CA3: variants seen among roughly 807,000 people sequenced by gnomAD.
CA3 encodes carbonic anhydrase 3.
CA3 carries 30 observed loss-of-function variants against 35.7 expected under a neutral mutation model. The ratio of observed to expected loss-of-function variants is 0.84; its 90% confidence interval spans 0.63 to 1.14. The LOEUF is 1.14. Ranked by LOEUF, CA3 falls within the 50% of genes most tolerant of loss-of-function variation. CA3 has a pLI of 0.00. For missense variants in CA3, 295 were observed against 328.5 expected (o/e 0.90, Z 0.79); for synonymous variants, 131 against 130.8 (o/e 1.00, Z -0.01).
intron 5 of CA3, among the ~76,000 whole-genome samples, chr8:85,445,646 A>T (rs761467488): frequency 2.8e-4 from 43 of 152,208 alleles, no homozygotes; most frequent in Non-Finnish European, 5.6e-4. Flanking sequence ...TTAAAAATTT[A>T]AAATCTTCAC....
At chr8:85,445,133 C>G (rs1221374444) in intron 4 of CA3, 23 bp from the exon 5 acceptor site, 5 of 1,543,624 alleles carry the variant, frequency 3.2e-6, no homozygotes, top group Admixed American at 3.6e-5. Context: ...AAGAACTATA[C>G]TTGGATTTCT....
At position 85,448,076 on chromosome 8, in the gene CA3, C is replaced by T. The variant is rs753114680; in HGVS notation, c.706C>T (p.Pro236Ser). 6.2e-7 allele frequency: 1 copy of T among 1,613,238 alleles called. No homozygotes were observed. Residue 236 changes from proline to serine, a missense_variant, in exon 7 of 7, where the codon CCC becomes TCC. Pro to Ser is a moderately conservative substitution (Grantham distance 74). Transcript: ENST00000285381. ...CCTCCTCTCCAGTGCTGAGAACGAG[C>T]CCCCAGTGCCTCTTGTGAGCAACTG... ...RSLLSSAENEPPVPLVSNWRP... is the reference protein window; with the variant it reads ...RSLLSSAENESPVPLVSNWRP...
chr8:85,446,355 A>G, intron 6 of CA3, 58 bp downstream of exon 6: 1 of 1,555,430 alleles, frequency 6.4e-7, no homozygotes, highest in Non-Finnish European at 8.8e-7. Flanking sequence ...TAAGATACAG[A>G]TGCTAAATCA....
chr8:85,445,331 G>T (rs905155882), intron 5 of CA3, 113 bp downstream of exon 5: 4 of 628,490 alleles, frequency 6.4e-6, no homozygotes, highest in East Asian at 2.9e-5. Flanking sequence ...TGATGGATAT[G>T]CTAAGCATAC....
intron 3 of CA3, among the ~76,000 whole-genome samples, chr8:85,443,197 A>G (rs559754351): frequency 9.8e-5 from 15 of 152,312 alleles, no homozygotes; most frequent in Admixed American, 7.2e-4. Flanking sequence ...TGTCTCAGTT[A>G]ACTCATTAAA....
chr8:85,443,247 A>G (rs573656465), intron 3 of CA3, among the ~76,000 whole-genome samples: 1 of 152,246 alleles, frequency 6.6e-6, no homozygotes, highest in South Asian at 2.1e-4. Context: ...GCATCAAATT[A>G]CAAGGGTTTA....
intron 5 of CA3, 25 bp downstream of exon 5, chr8:85,445,243 T>TA (rs748246258): frequency 2.1e-6 from 3 of 1,457,604 alleles, no homozygotes; most frequent in Non-Finnish European, 1.9e-6. Flanking sequence ...TTTTCCCTCC[T>TA]AAAACATAAA....
At chr8:85,446,079 C>T (rs1811284665) in intron 5 of CA3, 63 bp from the exon 6 acceptor site, 2 of 1,382,530 alleles carry the variant, frequency 1.4e-6, no homozygotes, top group Non-Finnish European at 2.0e-6. Context: ...GTGGTGAGGG[C>T]ATTGGGGTGG....
intron 2 of CA3, 85 bp from the exon 3 acceptor site, chr8:85,441,988 C>T: frequency 1.3e-6 from 1 of 793,512 alleles, no homozygotes; most frequent in Non-Finnish European, 2.3e-6. Context: ...GTCCATTAAG[C>T]CTTGGCTCTA....
At position 85,446,213 on chromosome 8, in the gene CA3, C is replaced by G; in HGVS notation, c.579C>G (p.Tyr193Ter). 6.2e-7 allele frequency: 1 copy of G among 1,614,136 alleles called. No individual in the cohort carries two copies. The highest frequency in any genetic ancestry group is 8.5e-7 in the Non-Finnish European group (1 of 1,179,992). The change falls in exon 6 of 7, where the codon TAC (tyrosine) becomes TAG (stop). Residue 193 changes from tyrosine (Y) to a stop codon, truncating the protein, a stop_gained. Transcript: ENST00000285381. LOFTEE classifies it high-confidence loss of function. ...LFPACRDYWT[Y>*]QGSFTTPPCE... ...CGGCATGCCGGGACTACTGGACCTA[C>G]CAGGGCTCATTCACCACGCCGCCCT...
At chr8:85,444,248 T>C in intron 4 of CA3, 122 bp downstream of exon 4, 1 of 655,174 alleles carries the variant, frequency 1.5e-6, no homozygotes, top group Non-Finnish European at 2.7e-6. Context: ...TTATTATTCA[T>C]TCAACTAATC....
chr8:85,442,448 C>T (rs547013821), intron 3 of CA3: 1 of 376,808 alleles, frequency 2.7e-6, no homozygotes, highest in Admixed American at 3.7e-5. Context: ...TGCAGTGGCT[C>T]ACACCTGTAA....
intron 6 of CA3, 87 bp from the exon 7 acceptor site, chr8:85,447,947 A>T (rs1015358853): frequency 1.4e-5 from 18 of 1,248,724 alleles, no homozygotes; most frequent in Non-Finnish European, 1.8e-5. Context: ...AACAAAAAAA[A>T]CCCCAGCAGT....
intron 5 of CA3, among the ~76,000 whole-genome samples, 189 bp downstream of exon 5, chr8:85,445,407 G>C (rs937112074): frequency 4.0e-5 from 6 of 151,726 alleles, no homozygotes; most frequent in African/African-American, 1.2e-4. Flanking sequence ...ACATATATCA[G>C]TTTTTTTAAT....
intron 5 of CA3, 53 bp from the exon 6 acceptor site, chr8:85,446,089 G>A: frequency 2.7e-6 from 4 of 1,480,968 alleles, no homozygotes; most frequent in Non-Finnish European, 3.6e-6. Flanking sequence ...CATTGGGGTG[G>A]GTGGGCATGT....
Position 85,439,828 on chromosome 8 carries a change from T to G in CA3, c.151T>G (p.Tyr51Asp). The part of the protein sequence containing the change: ...DPSLQPWSVS[Y>D]DGGSAKTILN... ...TTCTCTGCAGCCATGGTCTGTGTCTTATGATGGTGGCTCTGCCAAGACCAT... is the reference window on the plus strand; with the variant it reads ...TTCTCTGCAGCCATGGTCTGTGTCTGATGATGGTGGCTCTGCCAAGACCAT... The change falls in exon 2 of 7, where the codon TAT becomes GAT. Residue 51 changes from tyrosine (Y) to aspartate (D), a missense_variant. By Grantham distance (160) the Tyr-to-Asp change is radical (BLOSUM62 -3). Coordinates refer to ENST00000285381, the MANE Select transcript of CA3 (RefSeq NM_005181.4). 1 of 1,614,100 alleles carries G rather than the reference T, an allele frequency of 6.2e-7. No individual in the cohort carries two copies. Among genetic ancestry groups the G allele is most frequent in the South Asian group, 1.1e-5 (1 of 91,082 alleles).
rs780060427 is a variant in CA3, at chr8:85,445,198, T to C, written c.487T>C (p.Leu163=). The change falls in exon 5 of 7, where the codon TTG becomes CTG. Residue 163 remains leucine, a synonymous_variant. Coordinates refer to ENST00000285381, the MANE Select transcript of CA3 (RefSeq NM_005181.4). The part of the protein sequence containing the change: ...NGEFQIFLDA[L]DKIKTKGKEA... ...CGAGTTCCAGATTTTCCTTGATGCATTGGACAAGATTAAGACAAAGGTAAA... is the reference window on the plus strand; with the variant it reads ...CGAGTTCCAGATTTTCCTTGATGCACTGGACAAGATTAAGACAAAGGTAAA... 18 of 1,605,542 alleles carry C rather than the reference T, an allele frequency of 1.1e-5. No homozygotes were observed. The highest frequency in any genetic ancestry group is 5.3e-5 in the African/African-American group (4 of 74,812).
chr8:85,442,043 C>A, intron 2 of CA3, 30 bp from the exon 3 acceptor site: 1 of 1,048,938 alleles, frequency 9.5e-7, no homozygotes, highest in Non-Finnish European at 1.5e-6. Flanking sequence ...AGCATGAATT[C>A]ACTGTTGACC....
chr8:85,445,158 A>T lies in CA3; in HGVS notation c.447A>T (p.Ile149=). ...GIAVIGIFLK[I]GHENGEFQIF... Reference sequence around the variant, plus strand: ...CTTGGATTTCTGTTTTCTTACAGATAGGACATGAGAATGGCGAGTTCCAGA... The same window carrying T: ...CTTGGATTTCTGTTTTCTTACAGATTGGACATGAGAATGGCGAGTTCCAGA... The change falls in exon 5 of 7, where the codon ATA becomes ATT. Residue 149 remains isoleucine (I), a splice_region_variant and synonymous_variant. Transcript: ENST00000285381. 6.3e-7 allele frequency: 1 copy of T among 1,597,546 alleles called. No individual in the cohort carries two copies. Among genetic ancestry groups the T allele is most frequent in the Non-Finnish European group, 8.6e-7 (1 of 1,168,482 alleles).
Sources: gnomAD v4.1 joint callset for allele counts (sites outside exome capture counted in the v4.1 genomes callset) on GRCh38, gnomAD v4.1.1 for gene constraint, MANE v1.5 for transcripts, NCBI Gene and HGNC (gene_info 2026-07-23, HGNC 2026-07-21) for gene names.